Variants in E2F3 observed in about 807,000 individuals in gnomAD.
The protein encoded by E2F3 is E2F transcription factor 3.
A neutral mutation model predicts 44.4 loss-of-function variants in E2F3; 11 were observed. That is an observed-to-expected ratio of 0.25 (90% CI 0.16 to 0.41). E2F3 has a LOEUF of 0.41. E2F3 is among the 10% of genes least tolerant of loss of function. The pLI is 1.00. For synonymous variants in E2F3, 249 were observed against 253.0 expected, an observed-to-expected ratio of 0.98 and a Z score of 0.15; for missense variants, 487 against 583.6, an observed-to-expected ratio of 0.83 and a Z score of 1.70.
Position 20,480,100 on chromosome 6 carries a change from A to C in E2F3, c.505+143A>C. The C allele has an allele frequency of 5.0e-6, 7 of 1,412,894 alleles. No individual in the cohort carries two copies. In the South Asian group the frequency reaches 1.1e-4, roughly 22 times the overall value. The allele number at this position is 1,412,894 out of a possible 1,614,324, so 87.5% of individuals were successfully genotyped here. Reference sequence around the variant, plus strand: ...ATTTCTTTCTGTGCTTATCCAAAAAAATAAATACAATGTCAGCAGACAACC... The same window carrying C: ...ATTTCTTTCTGTGCTTATCCAAAAACATAAATACAATGTCAGCAGACAACC... On this transcript the variant is annotated intron_variant, in intron 2 of 6. Transcript: ENST00000346618.
chr6:20,438,784 A>G (rs1304997443), intron 1 of E2F3, among the ~76,000 whole-genome samples: 1 of 152,192 alleles, frequency 6.6e-6, no homozygotes, highest in East Asian at 1.9e-4. Flanking sequence ...TATCTGGTTA[A>G]GTTAGCCAGA....
intron 1 of E2F3, among the ~76,000 whole-genome samples, chr6:20,413,559 A>G (rs1759744277): frequency 6.6e-6 from 1 of 152,242 alleles, no homozygotes; most frequent in Admixed American, 6.5e-5. Flanking sequence ...GATGTGAAAC[A>G]AGAAGTGGTT....
At position 20,457,514 on chromosome 6, in the gene E2F3, G is replaced by A. The variant is rs144812995; in HGVS notation, c.394-22332G>A. Among the ~76,000 whole-genome samples, 306 of 151,984 alleles carry A rather than the reference G, an allele frequency of 2.0e-3. 1 individual carries two copies. Among genetic ancestry groups the A allele is most frequent in the African/African-American group, 6.8e-3 (280 of 41,448 alleles). On this transcript the variant is annotated intron_variant, in intron 1 of 6. Transcript: ENST00000346618. ...TTCTCTCTTTAATCTCCCAATTAACGAACATCTACTGCGACAGCATCCATT... is the reference window on the plus strand; with the variant it reads ...TTCTCTCTTTAATCTCCCAATTAACAAACATCTACTGCGACAGCATCCATT...
chr6:20,474,328 G>A (rs1018874335), intron 1 of E2F3, among the ~76,000 whole-genome samples: 4 of 152,216 alleles, frequency 2.6e-5, no homozygotes, highest in African/African-American at 9.6e-5. Context: ...CCATGGGGCT[G>A]AGGTTTTAAC....
At chr6:20,481,815 T>C (rs1762233162) in intron 3 of E2F3, among the ~76,000 whole-genome samples, 1 of 152,068 alleles carries the variant, frequency 6.6e-6, no homozygotes, top group Non-Finnish European at 1.5e-5. Context: ...AATGATGGCT[T>C]ATGGGTTATC....
intron 1 of E2F3, among the ~76,000 whole-genome samples, chr6:20,454,922 A>G (rs532245120): frequency 9.9e-5 from 15 of 152,260 alleles, no homozygotes; most frequent in Admixed American, 3.9e-4. Context: ...TGAAAATTCA[A>G]CTACCCGGGC....
At chr6:20,474,514 T>A (rs1241696244) in intron 1 of E2F3, among the ~76,000 whole-genome samples, 2 of 152,168 alleles carry the variant, frequency 1.3e-5, no homozygotes, top group Non-Finnish European at 2.9e-5. Context: ...AGGGGCCATG[T>A]AATGTAAAGA....
At chr6:20,437,193 G>A in intron 1 of E2F3, among the ~76,000 whole-genome samples, 1 of 152,156 alleles carries the variant, frequency 6.6e-6, no homozygotes, top group East Asian at 1.9e-4. Flanking sequence ...CCCTTGGTTG[G>A]ACCTAGCTTA....
intron 1 of E2F3, chr6:20,445,258 T>TTTC (rs1405337193): frequency 1.5e-6 from 1 of 667,410 alleles, no homozygotes; most frequent in African/African-American, 2.0e-5. Flanking sequence ...TTTTTTTTTT[T>TTTC]TGAGACAGTC....
At position 20,447,373 on chromosome 6, in the gene E2F3, G is replaced by C. The variant is rs115267098; in HGVS notation, c.394-32473G>C. On this transcript the variant is annotated intron_variant, in intron 1 of 6. Coordinates refer to ENST00000346618, the MANE Select transcript of E2F3 (RefSeq NM_001949.5). ...GAGAGAGAGAAAGAGAAAGAGAACA[G>C]AGCCTGTAAGTCTTGCCATTTTGCC... 1.3e-3 allele frequency among the ~76,000 whole-genome samples: 191 copies of C among 151,906 alleles called. 1 individual carries two copies. The highest frequency in any genetic ancestry group is 4.3e-3 in the African/African-American group (180 of 41,436).
Position 20,481,434 on chromosome 6 carries a change from G to C in E2F3, c.725+9G>C. 6.2e-7 allele frequency: 1 copy of C among 1,613,600 alleles called. No homozygotes were observed. The highest frequency in any genetic ancestry group is 8.5e-7 in the Non-Finnish European group (1 of 1,179,724). ...AACAACGTCCAATGGATGTGAGTAGGAGTCCTCCCCATGCCCCGGCTCTGA... is the reference window on the plus strand; with the variant it reads ...AACAACGTCCAATGGATGTGAGTAGCAGTCCTCCCCATGCCCCGGCTCTGA... On this transcript the variant is annotated intron_variant, in intron 3 of 6. Coordinates refer to ENST00000346618, the MANE Select transcript of E2F3 (RefSeq NM_001949.5).
chr6:20,475,945 A>C (rs924817963), intron 1 of E2F3, among the ~76,000 whole-genome samples: 3 of 152,216 alleles, frequency 2.0e-5, no homozygotes, highest in Non-Finnish European at 4.4e-5. Flanking sequence ...CCTGGCGGTC[A>C]CAAGAAGTGA....
chr6:20,473,445 C>A (rs1456511808), intron 1 of E2F3, among the ~76,000 whole-genome samples: 3 of 152,168 alleles, frequency 2.0e-5, no homozygotes, highest in Non-Finnish European at 2.9e-5. Flanking sequence ...AATAAGATAA[C>A]AAAATTGAGT....
intron 1 of E2F3, among the ~76,000 whole-genome samples, chr6:20,477,620 C>A (rs1195382326): frequency 6.6e-6 from 1 of 152,098 alleles, no homozygotes; most frequent in Non-Finnish European, 1.5e-5. Context: ...AGTTTCTGAT[C>A]CAATGCATCT....
chr6:20,434,135 G>A (rs188316455), intron 1 of E2F3, among the ~76,000 whole-genome samples: 1 of 152,200 alleles, frequency 6.6e-6, no homozygotes, highest in Non-Finnish European at 1.5e-5. Context: ...GTCCTGCCTT[G>A]TGGGAGGGAC....
At chr6:20,403,452 G>A (rs948314360) in intron 1 of E2F3, among the ~76,000 whole-genome samples, 1 of 151,838 alleles carries the variant, frequency 6.6e-6, no homozygotes, top group Non-Finnish European at 1.5e-5. Flanking sequence ...GCCCCCCGGC[G>A]ACGGAGGGCG....
intron 1 of E2F3, among the ~76,000 whole-genome samples, chr6:20,434,450 T>G (rs1353512157): frequency 6.6e-6 from 1 of 152,238 alleles, no homozygotes; most frequent in East Asian, 1.9e-4. Flanking sequence ...CGAGGTAGTT[T>G]AAACTGGAAT....
intron 1 of E2F3, among the ~76,000 whole-genome samples, chr6:20,461,055 A>G (rs1273688115): frequency 6.6e-6 from 1 of 150,890 alleles, no homozygotes; most frequent in Admixed American, 6.6e-5. Context: ...TAACACTGCC[A>G]GGTAATCCTC....
At chr6:20,480,406 A>T (rs928175362) in intron 2 of E2F3, among the ~76,000 whole-genome samples, 1 of 152,168 alleles carries the variant, frequency 6.6e-6, no homozygotes, top group Non-Finnish European at 1.5e-5. Context: ...TTCTCTTTCT[A>T]TCAAATACTA....
Sources: gnomAD v4.1 joint callset for allele counts (sites outside exome capture counted in the v4.1 genomes callset) on GRCh38, gnomAD v4.1.1 for gene constraint, MANE v1.5 for transcripts, NCBI Gene and HGNC (gene_info 2026-07-23, HGNC 2026-07-21) for gene names.